Variants in SAMMSON observed in about 807,000 individuals in gnomAD.
SAMMSON encodes survival associated mitochondrial melanoma specific oncogenic non-coding RNA, also known as long intergenic non-protein coding RNA 1212.
intron 2 of SAMMSON, among the ~76,000 whole-genome samples, chr3:70,397,684 A>G (rs114727835): frequency 0.012 from 1,790 of 152,202 alleles, 17 homozygotes; most frequent in Non-Finnish European, 0.019. Context: ...TTAGAAAAAA[A>G]TCCTAAAAGT....
At chr3:70,254,928 A>G (rs1046964328) in intron 6 of SAMMSON, among the ~76,000 whole-genome samples, 6 of 152,194 alleles carry the variant, frequency 3.9e-5, no homozygotes, top group African/African-American at 1.4e-4. Context: ...TTCCTCTGTA[A>G]TGGTTTCCTA....
chr3:70,252,226 C>T (rs534793668), intron 6 of SAMMSON, among the ~76,000 whole-genome samples: 7 of 152,256 alleles, frequency 4.6e-5, no homozygotes, highest in African/African-American at 1.4e-4. Context: ...TCTGCAAACC[C>T]ATAGTTTCAG....
At chr3:70,082,280 A>T (rs2106641676) in intron 4 of SAMMSON, among the ~76,000 whole-genome samples, 1 of 152,324 alleles carries the variant, frequency 6.6e-6, no homozygotes, top group South Asian at 2.1e-4. Flanking sequence ...TAAACAAATA[A>T]TCCATATAAC....
intron 7 of SAMMSON, among the ~76,000 whole-genome samples, chr3:70,339,884 C>T: frequency 6.6e-6 from 1 of 152,150 alleles, no homozygotes; most frequent in African/African-American, 2.4e-5. Flanking sequence ...TACCATTTGA[C>T]CCAGCCATCC....
At chr3:70,144,399 T>C (rs2067539836) in intron 4 of SAMMSON, among the ~76,000 whole-genome samples, 1 of 152,112 alleles carries the variant, frequency 6.6e-6, no homozygotes, top group Non-Finnish European at 1.5e-5. Flanking sequence ...TATTTCTTTC[T>C]GAATGCTTTT....
intron 1 of SAMMSON, chr3:70,009,369 AG>A (rs1350740067): frequency 2.0e-5 from 3 of 151,918 alleles, no homozygotes; most frequent in South Asian, 2.1e-4. Context: ...TATTCTTGGG[AG>A]GGGTGTATGT....
chr3:70,134,184 C>T (rs1245193192), intron 4 of SAMMSON, among the ~76,000 whole-genome samples: 6 of 150,104 alleles, frequency 4.0e-5, no homozygotes, highest in African/African-American at 9.8e-5. Flanking sequence ...TGTTTGAATC[C>T]GGGAGACGGA....
intron 4 of SAMMSON, among the ~76,000 whole-genome samples, chr3:70,141,529 C>T (rs950550743): frequency 8.6e-5 from 13 of 151,576 alleles, no homozygotes; most frequent in African/African-American, 2.9e-4. Flanking sequence ...GAAACACTCT[C>T]ATAAATACCC....
chr3:70,214,607 C>CTTTTTTT (rs11391954), intron 4 of SAMMSON, among the ~76,000 whole-genome samples: 1 of 140,312 alleles, frequency 7.1e-6, no homozygotes. Flanking sequence ...CTGAAGTGGG[C>CTTTTTTT]TTTTTTTTTT....
At chr3:70,080,742 C>T (rs909165929) in intron 4 of SAMMSON, among the ~76,000 whole-genome samples, 1 of 150,674 alleles carries the variant, frequency 6.6e-6, no homozygotes, top group Non-Finnish European at 1.5e-5. Flanking sequence ...GTGTTTATGT[C>T]CTATAAATCA....
At chr3:70,351,888 A>C (rs1261345113) in intron 7 of SAMMSON, among the ~76,000 whole-genome samples, 3 of 152,158 alleles carry the variant, frequency 2.0e-5, no homozygotes, top group Non-Finnish European at 2.9e-5. Context: ...CTCACTGATT[A>C]GGTTCGTATT....
chr3:70,289,977 G>C (rs1702214807), intron 6 of SAMMSON, among the ~76,000 whole-genome samples: 1 of 152,030 alleles, frequency 6.6e-6, no homozygotes, highest in South Asian at 2.1e-4. Flanking sequence ...TCTTTTCAAA[G>C]TTTTCAACTT....
At chr3:70,086,777 A>T (rs974317640) in intron 4 of SAMMSON, among the ~76,000 whole-genome samples, 2 of 152,208 alleles carry the variant, frequency 1.3e-5, no homozygotes, top group Non-Finnish European at 2.9e-5. Context: ...GATTATGATT[A>T]GTTCCAACAG....
At chr3:70,185,201 C>T (rs1431533697) in intron 4 of SAMMSON, among the ~76,000 whole-genome samples, 2 of 152,168 alleles carry the variant, frequency 1.3e-5, no homozygotes, top group Non-Finnish European at 2.9e-5. Flanking sequence ...CACGGATCTA[C>T]TCCCATCACC....
chr3:70,247,491 T>C (rs1341296301), intron 4 of SAMMSON, among the ~76,000 whole-genome samples: 1 of 151,742 alleles, frequency 6.6e-6, no homozygotes. Flanking sequence ...ATTATATGAA[T>C]TAGTTGAAAA....
At chr3:70,161,461 G>T (rs1266301089) in intron 4 of SAMMSON, among the ~76,000 whole-genome samples, 1 of 151,844 alleles carries the variant, frequency 6.6e-6, no homozygotes, top group Non-Finnish European at 1.5e-5. Flanking sequence ...CTGTTACTAT[G>T]GTGTTTTATA....
At chr3:70,193,727 G>C (rs1209363631) in intron 4 of SAMMSON, among the ~76,000 whole-genome samples, 1 of 152,014 alleles carries the variant, frequency 6.6e-6, no homozygotes, top group African/African-American at 2.4e-5. Flanking sequence ...GTATTTGATG[G>C]GCAAAATTCT....
chr3:70,053,338 G>T (rs1472974181), intron 3 of SAMMSON, among the ~76,000 whole-genome samples: 8 of 152,120 alleles, frequency 5.3e-5, no homozygotes, highest in African/African-American at 1.7e-4. Context: ...TGTAGGCATG[G>T]CTCTGAGCTG....
chr3:70,264,780 T>C (rs1241911175), intron 6 of SAMMSON, among the ~76,000 whole-genome samples: 1 of 152,134 alleles, frequency 6.6e-6, no homozygotes, highest in African/African-American at 2.4e-5. Context: ...ATAGGGAAAA[T>C]ACAGGGAGCT....
Sources: gnomAD v4.1 joint callset for allele counts (sites outside exome capture counted in the v4.1 genomes callset) on GRCh38, gnomAD v4.1.1 for gene constraint, MANE v1.5 for transcripts, NCBI Gene and HGNC (gene_info 2026-07-23, HGNC 2026-07-21) for gene names.